The following COX20 variants were observed in gnomAD, a reference collection of about 807,000 sequenced individuals.
COX20 encodes the protein cytochrome c oxidase assembly factor COX20, also known as cytochrome c oxidase assembly protein COX20, mitochondrial.
In COX20, 14 loss-of-function variants were observed where a neutral mutation model predicts 14.3. The ratio of observed to expected loss-of-function variants is 0.98; its 90% confidence interval spans 0.65 to 1.53. COX20 has a LOEUF of 1.53. Ranked by LOEUF, COX20 falls within the 40% of genes most tolerant of loss-of-function variation. The pLI is 0.00. For missense variants in COX20, 149 were observed against 142.1 expected (o/e 1.05, Z -0.25); for synonymous variants, 56 against 51.7 (o/e 1.08, Z -0.36).
rs1345865470 is a variant in COX20, at chr1:244,836,461, T to TA, written c.42+706dup. On this transcript the variant is annotated intron_variant, in intron 1 of 3. Coordinates refer to ENST00000411948, the MANE Select transcript of COX20 (RefSeq NM_198076.6). Reference sequence around the variant, plus strand: ...CTCCTGTGTTTCACCAAAGCTGACTTACGTACTTTCCCCATCTTCCCAGGC... The same window carrying TA: ...CTCCTGTGTTTCACCAAAGCTGACTTAACGTACTTTCCCCATCTTCCCAGGC... 2.8e-5 allele frequency: 43 copies of TA among 1,548,996 alleles called. No homozygotes were observed. In the Admixed American group the frequency reaches 3.1e-4, roughly 11 times the overall value.
At chr1:244,836,409 C>A in intron 1 of COX20, 1 of 1,317,882 alleles carries the variant, frequency 7.6e-7, no homozygotes, top group Non-Finnish European at 1.1e-6. Context: ...TATAGTAAAG[C>A]TAAACCAAGC....
Position 244,841,939 on chromosome 1 carries a change from TC to T in COX20, c.43-4del, listed in dbSNP as rs772413438. On this transcript the variant is annotated splice_polypyrimidine_tract_variant and splice_region_variant and intron_variant, in intron 1 of 3. Transcript: ENST00000411948. ...CTCAATCTAGGTTCTTTTTTTTCATTCTAGTCCCTTAAGCTCCTAGGATTTT... is the reference window on the plus strand; with the variant it reads ...CTCAATCTAGGTTCTTTTTTTTCATTTAGTCCCTTAAGCTCCTAGGATTTT... 77 of 1,562,630 alleles carry T rather than the reference TC, an allele frequency of 4.9e-5. No individual in the cohort carries two copies. Among genetic ancestry groups the T allele is most frequent in the Non-Finnish European group, 5.8e-5 (66 of 1,140,946 alleles).
At chr1:244,838,348 G>C (rs1052758023) in intron 1 of COX20, among the ~76,000 whole-genome samples, 9 of 152,154 alleles carry the variant, frequency 5.9e-5, no homozygotes, top group African/African-American at 2.2e-4. Context: ...GCTTGGGAGA[G>C]ATTAGGGTTT....
chr1:244,835,647 C>T (rs991488350), upstream of COX20: 14 of 1,185,730 alleles, frequency 1.2e-5, no homozygotes, highest in Non-Finnish European at 1.5e-5. Context: ...GGGAGGGGCG[C>T]GGCCAGCCGG....
chr1:244,836,334 C>A (rs1409541043), intron 1 of COX20: 3 of 659,730 alleles, frequency 4.5e-6, no homozygotes, highest in Admixed American at 2.6e-5. Flanking sequence ...GTTTTCATTC[C>A]TCTGCCTAAC....
intron 3 of COX20, chr1:244,842,487 GCCTCA>G (rs1558178871): frequency 2.0e-6 from 1 of 504,494 alleles, no homozygotes; most frequent in East Asian, 3.2e-5. Context: ...ACTTAGGAAA[GCCTCA>G]ACCATTTCCC....
upstream of COX20, chr1:244,835,602 C>A: frequency 2.5e-6 from 2 of 801,012 alleles, no homozygotes; most frequent in Non-Finnish European, 3.4e-6. Flanking sequence ...CGCGTCGGAA[C>A]AGGGCGGGAG....
upstream of COX20, chr1:244,835,440 C>G: frequency 2.8e-6 from 1 of 355,062 alleles, no homozygotes; most frequent in Non-Finnish European, 5.0e-6. Flanking sequence ...GGTTTGTTTT[C>G]CGAACCCATC....
At chr1:244,841,537 A>G (rs149105299) in intron 1 of COX20, 190 of 162,542 alleles carry the variant, frequency 1.2e-3, no homozygotes, top group African/African-American at 4.2e-3. Flanking sequence ...CATGACTCAA[A>G]TTACTTTTTC....
chr1:244,835,823 T>A, intron 1 of COX20, 67 bp downstream of exon 1: 1 of 1,154,034 alleles, frequency 8.7e-7, no homozygotes, highest in South Asian at 3.9e-5. Flanking sequence ...TCCGCGGAGC[T>A]CCTAGGCCCG....
At chr1:244,836,477 C>T (rs533222173) in intron 1 of COX20, 10 of 1,550,308 alleles carry the variant, frequency 6.5e-6, no homozygotes, top group South Asian at 2.4e-5. Context: ...CTTTCCCCAT[C>T]TTCCCAGGCA....
Position 244,841,956 on chromosome 1 carries a change from C to G in COX20, c.55C>G (p.Leu19Val), listed in dbSNP as rs553466249. The G allele has an allele frequency of 1.0e-5, 16 of 1,594,184 alleles. No homozygotes were observed. The South Asian group carries it at 1.1e-4, about 11-fold the overall frequency. Reference protein sequence around the residue: ...EPEERKSLKLLGFLDVENTPC... With the variant: ...EPEERKSLKLVGFLDVENTPC... ...TTTTTCATTCTAGTCCCTTAAGCTC[C>G]TAGGATTTTTAGATGTTGAAAATAC... Residue 19 changes from leucine to valine, a missense_variant, in exon 2 of 4, where the codon CTA (leucine) becomes GTA (valine). Coordinates refer to ENST00000411948, the MANE Select transcript of COX20 (RefSeq NM_198076.6).
At position 244,843,457 on chromosome 1, in the gene COX20, TTGGAGTTTCCTTG is replaced by T; in HGVS notation, c.*283_*295del. 1 of 337,452 alleles carries T rather than the reference TTGGAGTTTCCTTG, an allele frequency of 3.0e-6. No individual in the cohort carries two copies. The highest frequency in any genetic ancestry group is 5.4e-6 in the Non-Finnish European group (1 of 185,164). 20.9% of individuals were successfully genotyped at this position (337,452 alleles called of 1,614,324 possible). A position where few individuals can be genotyped will look rare whatever the true frequency, so the allele number is the denominator to read the frequency against. On this transcript the variant is annotated 3_prime_UTR_variant, in exon 4 of 4. Transcript: ENST00000411948. The stretch of plus-strand genomic sequence containing the variant: ...TTATAAAACATAGTGTTTAATGTAC[TTGGAGTTTCCTTG>T]TAGTAGTAAGTATAGAGTTTGATGA...
rs774273223 is a variant in COX20 at position 244,843,808 on chromosome 1, T to G, written c.*632T>G. 1 of 152,226 alleles carries G rather than the reference T, an allele frequency of 6.6e-6. No individual in the cohort carries two copies. The highest frequency in any genetic ancestry group is 1.5e-5 in the Non-Finnish European group (1 of 68,036). 9.4% of individuals were successfully genotyped at this position (152,226 alleles called of 1,614,324 possible). On this transcript the variant is annotated 3_prime_UTR_variant, in exon 4 of 4. Transcript: ENST00000411948. ...TGCACATGGAACTTGTCTGGCAGAC[T>G]GATGCAATAGTAAAACAACTGCAGA...
chr1:244,839,214 T>TA (rs942413570), intron 1 of COX20, among the ~76,000 whole-genome samples: 3 of 152,006 alleles, frequency 2.0e-5, no homozygotes, highest in African/African-American at 7.2e-5. Flanking sequence ...AGACTAGCAT[T>TA]AGATAGGAAT....
At chr1:244,836,434 G>A (rs1558174806) in intron 1 of COX20, 3 of 1,507,790 alleles carry the variant, frequency 2.0e-6, no homozygotes, top group African/African-American at 1.4e-5. Flanking sequence ...TCCCTGGAAG[G>A]GCTCCTGTGT....
rs776303313 is a variant in COX20, at chr1:244,835,742, C to T, written c.28C>T (p.Pro10Ser). The T allele has an allele frequency of 7.8e-7, 1 of 1,274,206 alleles. No individual in the cohort carries two copies. The highest frequency in any genetic ancestry group is 9.9e-7 in the Non-Finnish European group (1 of 1,006,442). The allele number at this position is 1,274,206 out of a possible 1,614,324, so 78.9% of individuals were successfully genotyped here. MAAPPEPGE[P>S]EERKSLKLLG... ...GGCCGCCCCGCCGGAGCCCGGTGAG[C>T]CCGAGGAGAGGAAGGTAACCTGGGG... The change falls in exon 1 of 4, where the codon CCC becomes TCC. Residue 10 changes from proline (P) to serine (S), a missense_variant. Transcript: ENST00000411948.
At position 244,843,118 on chromosome 1, in the gene COX20, T is replaced by C. The variant is rs889035347; in HGVS notation, c.299T>C (p.Leu100Ser). 3.1e-6 allele frequency: 5 copies of C among 1,599,706 alleles called. No individual in the cohort carries two copies. In the African/African-American group the frequency reaches 5.5e-5, roughly 17 times the overall value. ...AGAGAAGAAATTAAAAAGAAGATATTATATGAAGGTACCCACCTCGATCCT... is the reference window on the plus strand; with the variant it reads ...AGAGAAGAAATTAAAAAGAAGATATCATATGAAGGTACCCACCTCGATCCT... ...IAREEIKKKI[L>S]YEGTHLDPER... The change falls in exon 4 of 4, where the codon TTA (leucine) becomes TCA (serine). Residue 100 changes from leucine to serine, a missense_variant. Coordinates refer to ENST00000411948, the MANE Select transcript of COX20 (RefSeq NM_198076.6).
chr1:244,840,804 C>G (rs545730741), intron 1 of COX20: 16 of 152,300 alleles, frequency 1.1e-4, no homozygotes, highest in African/African-American at 3.8e-4. Context: ...CCCATTTCTT[C>G]TAATCTCTTT....
Sources: gnomAD v4.1 joint callset for allele counts (sites outside exome capture counted in the v4.1 genomes callset) on GRCh38, gnomAD v4.1.1 for gene constraint, MANE v1.5 for transcripts, NCBI Gene and HGNC (gene_info 2026-07-23, HGNC 2026-07-21) for gene names.